Variants in KIF26B observed in about 807,000 individuals in gnomAD.
KIF26B encodes the protein kinesin family member 26B.
A neutral mutation model predicts 151.2 loss-of-function variants in KIF26B; 63 were observed. That is an observed-to-expected ratio of 0.42 (90% CI 0.34 to 0.51). The LOEUF (loss-of-function observed/expected upper bound fraction) is 0.51. KIF26B is among the 20% of genes least tolerant of loss of function. The pLI, the probability that KIF26B is intolerant of heterozygous loss-of-function variation, is 0.07. For missense variants in KIF26B, 2,813 were observed against 2,913.6 expected (o/e 0.97, Z 0.79); for synonymous variants, 1,357 against 1,262.1 (o/e 1.08, Z -1.59).
At chr1:245,553,214 G>T (rs1181332441) in intron 5 of KIF26B, among the ~76,000 whole-genome samples, 1 of 152,202 alleles carries the variant, frequency 6.6e-6, no homozygotes, top group African/African-American at 2.4e-5. Flanking sequence ...AGCTGGACCG[G>T]ATCTAAGGAA....
At chr1:245,178,202 C>T (rs1668843548) in intron 2 of KIF26B, among the ~76,000 whole-genome samples, 1 of 152,174 alleles carries the variant, frequency 6.6e-6, no homozygotes, top group Non-Finnish European at 1.5e-5. Context: ...TAGTCACGTT[C>T]AGAAAACAGA....
At chr1:245,501,164 T>C (rs1304784758) in intron 4 of KIF26B, among the ~76,000 whole-genome samples, 1 of 152,162 alleles carries the variant, frequency 6.6e-6, no homozygotes, top group Non-Finnish European at 1.5e-5. Flanking sequence ...CAATCTGGTG[T>C]GAAAAGTTTG....
intron 2 of KIF26B, among the ~76,000 whole-genome samples, chr1:245,231,954 C>T (rs1295433462): frequency 2.6e-5 from 4 of 152,212 alleles, no homozygotes; most frequent in Non-Finnish European, 5.9e-5. Context: ...ACTGTCCTAA[C>T]AACTCCTTCC....
At chr1:245,469,285 G>A (rs759931055) in intron 4 of KIF26B, among the ~76,000 whole-genome samples, 40 of 152,176 alleles carry the variant, frequency 2.6e-4, no homozygotes, top group African/African-American at 4.1e-4. Flanking sequence ...GAGAAACAGC[G>A]TCACTCAGGG....
chr1:245,176,015 TA>T (rs535835425), intron 2 of KIF26B, among the ~76,000 whole-genome samples: 60 of 150,794 alleles, frequency 4.0e-4, no homozygotes, highest in Middle Eastern at 3.5e-3. Context: ...TAGATATAGA[TA>T]TTTTTTTTGA....
intron 2 of KIF26B, among the ~76,000 whole-genome samples, chr1:245,301,018 T>TG: frequency 7.2e-6 from 1 of 137,936 alleles, no homozygotes; most frequent in Non-Finnish European, 1.6e-5. Flanking sequence ...TTAGTAGAGA[T>TG]GGGGGTTTCG....
chr1:245,681,080 G>A (rs971735930), intron 10 of KIF26B, among the ~76,000 whole-genome samples: 25 of 152,280 alleles, frequency 1.6e-4, no homozygotes, highest in African/African-American at 5.8e-4. Context: ...AGGAGCTACA[G>A]TGCTCATGGG....
At chr1:245,552,179 G>A (rs902729035) in intron 5 of KIF26B, among the ~76,000 whole-genome samples, 1 of 149,020 alleles carries the variant, frequency 6.7e-6, no homozygotes, top group African/African-American at 2.5e-5. Flanking sequence ...GTGGAGTGGG[G>A]GTGGGGGATT....
intron 9 of KIF26B, among the ~76,000 whole-genome samples, chr1:245,645,576 G>C (rs2043937720): frequency 6.6e-6 from 1 of 152,164 alleles, no homozygotes; most frequent in Admixed American, 6.5e-5. Context: ...ACAGCACCTG[G>C]CACTTGGCAG....
chr1:245,698,923 G>C lies in KIF26B; in HGVS notation c.6064G>C (p.Glu2022Gln), dbSNP rs2044732501. 6.2e-7 allele frequency: 1 copy of C among 1,614,008 alleles called. No homozygotes were observed. Among genetic ancestry groups the C allele is most frequent in the South Asian group, 1.1e-5 (1 of 91,076 alleles). The change falls in exon 14 of 15, where the codon GAA becomes CAA. Residue 2022 changes from glutamate to glutamine, a missense_variant. Glu to Gln is a conservative substitution (Grantham distance 29). Coordinates refer to ENST00000407071, the MANE Select transcript of KIF26B (RefSeq NM_018012.4). The surrounding 1 kb of genome is among the most constrained non-coding windows in gnomAD (Gnocchi z 4.0). ...CTTCAATGCAAAGCTGAAGATTCTG[G>C]AACACCGCCAGCAGAGGATCGCCGA... ...MCFNAKLKIL[E>Q]HRQQRIAEVR...
At position 245,560,949 on chromosome 1, in the gene KIF26B, T is replaced by C. The variant is rs2042941212; in HGVS notation, c.1350+19999T>C. On this transcript the variant is annotated intron_variant, in intron 5 of 14. Coordinates refer to ENST00000407071, the MANE Select transcript of KIF26B (RefSeq NM_018012.4). This position sits in a 1 kb window ranked among gnomAD's most constrained non-coding sequence, Gnocchi z 4.3. The stretch of plus-strand genomic sequence containing the variant: ...AAGGTGTGATACAGGCCATGCCCCT[T>C]CTAGCCCCATGGGACACCTGACTGA... Among the ~76,000 whole-genome samples, 1 of 152,130 alleles carries C rather than the reference T, an allele frequency of 6.6e-6. No individual in the cohort carries two copies. The highest frequency in any genetic ancestry group is 1.5e-5 in the Non-Finnish European group (1 of 68,028).
chr1:245,622,248 A>C (rs1237161395), intron 9 of KIF26B, among the ~76,000 whole-genome samples: 2 of 90,752 alleles, frequency 2.2e-5, no homozygotes, highest in Non-Finnish European at 5.6e-5. Flanking sequence ...AGTTGAAGAG[A>C]AACAAAATAT....
At chr1:245,645,388 C>T (rs2043936194) in intron 9 of KIF26B, among the ~76,000 whole-genome samples, 1 of 152,254 alleles carries the variant, frequency 6.6e-6, no homozygotes, top group Admixed American at 6.5e-5. Context: ...GCTCTCTCCT[C>T]TGCAGTACTC....
chr1:245,156,697 G>T lies in KIF26B; in HGVS notation c.465+14G>T, dbSNP rs754224933. 2.1e-6 allele frequency: 3 copies of T among 1,438,434 alleles called. No individual in the cohort carries two copies. The African/African-American group carries it at 4.5e-5, about 21-fold the overall frequency. 89.1% of individuals were successfully genotyped at this position (1,438,434 alleles called of 1,614,324 possible). A position where few individuals can be genotyped will look rare whatever the true frequency, so the allele number is the denominator to read the frequency against. On this transcript the variant is annotated intron_variant, in intron 2 of 14. Transcript: ENST00000407071. ...TTCCCGGGCAAGGTGAGCGCCGCGC[G>T]GGGCTGGCTGGGGAGGCGCCGGGAG...
rs865943766 is a variant in KIF26B at position 245,198,527 on chromosome 1, G to T, written c.465+41844G>T. 3.9e-5 allele frequency among the ~76,000 whole-genome samples: 6 copies of T among 152,252 alleles called. No homozygotes were observed. In the South Asian group the frequency reaches 1.2e-3, roughly 32 times the overall value. On this transcript the variant is annotated intron_variant, in intron 2 of 14. Coordinates refer to ENST00000407071, the MANE Select transcript of KIF26B (RefSeq NM_018012.4). ...ACCTGAGGTCAGGAGTGCAAGACCA[G>T]CCTGGCCAACATGGCAAAACCCCGT...
chr1:245,260,560 G>A (rs1054366098), intron 2 of KIF26B, among the ~76,000 whole-genome samples: 2 of 152,224 alleles, frequency 1.3e-5, no homozygotes, highest in African/African-American at 4.8e-5. Context: ...TTTCAACGAG[G>A]CCTATAGGAT....
At chr1:245,409,824 C>T (rs1317533238) in intron 3 of KIF26B, among the ~76,000 whole-genome samples, 1 of 152,160 alleles carries the variant, frequency 6.6e-6, no homozygotes. Context: ...GAGGACTAGG[C>T]CAGGTCTGGG....
chr1:245,377,444 A>G (rs760180486), intron 3 of KIF26B, among the ~76,000 whole-genome samples: 1 of 152,158 alleles, frequency 6.6e-6, no homozygotes, highest in African/African-American at 2.4e-5. Context: ...TTGGGTTTAG[A>G]GTCTACCCCA....
chr1:245,602,274 T>C lies in KIF26B; in HGVS notation c.1351-303T>C, dbSNP rs534937293. 6.6e-6 allele frequency among the ~76,000 whole-genome samples: 1 copy of C among 152,190 alleles called. No individual in the cohort carries two copies. Among genetic ancestry groups the C allele is most frequent in the Non-Finnish European group, 1.5e-5 (1 of 68,034 alleles). ...CCAGACTACCTTTTCATCTGTGTAA[T>C]TGGGCCACGAGGGCGCAGTTAATAT... On this transcript the variant is annotated intron_variant, in intron 5 of 14. Transcript: ENST00000407071. This position sits in a 1 kb window ranked among gnomAD's most constrained non-coding sequence, Gnocchi z 4.5.
Sources: gnomAD v4.1 joint callset for allele counts (sites outside exome capture counted in the v4.1 genomes callset) on GRCh38, gnomAD v4.1.1 for gene constraint, Gnocchi (gnomAD v3.1) non-coding constraint, MANE v1.5 for transcripts, NCBI Gene and HGNC (gene_info 2026-07-23, HGNC 2026-07-21) for gene names.